Variants in OIT3 observed in about 807,000 individuals in gnomAD.
The protein encoded by OIT3 is oncoprotein induced transcript 3.
OIT3 carries 41 observed loss-of-function variants against 52.2 expected under a neutral mutation model. The ratio of observed to expected loss-of-function variants is 0.79; its 90% CI spans 0.61 to 1.02. OIT3 has a LOEUF of 1.02. Among genes scored for constraint, OIT3 ranks in the 50% least tolerant of loss-of-function variants. The probability of loss-of-function intolerance (pLI) is 0.00; values close to 1 mark genes in which losing one functional copy is unlikely to be tolerated. For missense variants in OIT3, 634 were observed against 715.5 expected (o/e 0.89, Z 1.30); for synonymous variants, 244 against 276.9 (o/e 0.88, Z 1.18).
At chr10:72,909,080 C>T (rs965409406) in intron 4 of OIT3, among the ~76,000 whole-genome samples, 1 of 151,022 alleles carries the variant, frequency 6.6e-6, no homozygotes, top group African/African-American at 2.4e-5. Context: ...CAATCCTCAC[C>T]CTGCTCCCTC....
At chr10:72,907,750 ATCTAT>A (rs1489810172) in intron 4 of OIT3, among the ~76,000 whole-genome samples, 1 of 152,150 alleles carries the variant, frequency 6.6e-6, no homozygotes, top group East Asian at 1.9e-4. Context: ...AAATAAAATA[ATCTAT>A]TTTATTTTAC....
intron 6 of OIT3, among the ~76,000 whole-genome samples, chr10:72,914,277 G>A (rs1846055226): frequency 6.6e-6 from 1 of 152,192 alleles, no homozygotes; most frequent in Non-Finnish European, 1.5e-5. Context: ...TTGTGTGCTA[G>A]GGTGAGCCAT....
intron 3 of OIT3, among the ~76,000 whole-genome samples, chr10:72,904,193 C>T (rs914843258): frequency 1.3e-5 from 2 of 152,136 alleles, no homozygotes; most frequent in Admixed American, 6.5e-5. Context: ...CGATCATGAC[C>T]CTCTCACGCA....
chr10:72,932,174 C>G (rs1303453874), intron 8 of OIT3, among the ~76,000 whole-genome samples, 180 bp from the exon 9 acceptor site: 1 of 152,110 alleles, frequency 6.6e-6, no homozygotes, highest in South Asian at 2.1e-4. Context: ...TACATTTGGG[C>G]AAGTTCCTTA....
chr10:72,927,126 A>G (rs1846176564), intron 7 of OIT3, among the ~76,000 whole-genome samples: 1 of 152,022 alleles, frequency 6.6e-6, no homozygotes. Flanking sequence ...GTGAAGGACC[A>G]TTTTATTTTA....
intron 7 of OIT3, among the ~76,000 whole-genome samples, chr10:72,928,627 A>G (rs1846189055): frequency 6.6e-6 from 1 of 152,154 alleles, no homozygotes; most frequent in Admixed American, 6.6e-5. Flanking sequence ...CATATTATTC[A>G]TCTTTATGTC....
intron 4 of OIT3, among the ~76,000 whole-genome samples, chr10:72,908,454 C>T (rs970930079): frequency 6.6e-6 from 1 of 151,988 alleles, no homozygotes; most frequent in Non-Finnish European, 1.5e-5. Context: ...AAAAATACTA[C>T]CCCAAAAGGA....
intron 5 of OIT3, among the ~76,000 whole-genome samples, chr10:72,912,491 G>A (rs767351307): frequency 9.2e-5 from 14 of 151,856 alleles, no homozygotes; most frequent in Non-Finnish European, 1.6e-4. Flanking sequence ...GGCTGGTCTC[G>A]AACTCCTGAC....
rs750376924 is a variant in OIT3 at position 72,900,407 on chromosome 10, A to G, written c.467A>G (p.His156Arg). The G allele has an allele frequency of 6.8e-6, 11 of 1,610,956 alleles. No individual in the cohort carries two copies. The Admixed American group carries it at 1.2e-4, about 17-fold the overall frequency. The change falls in exon 3 of 9, where the codon CAT becomes CGT. Residue 156 changes from histidine to arginine, a missense_variant. His to Arg is a conservative substitution (Grantham distance 29). Coordinates refer to ENST00000334011, the MANE Select transcript of OIT3 (RefSeq NM_152635.3). The part of the protein sequence containing the change: ...HFYDICDEDC[H>R]GSCSDTSECT... ...TATGACATCTGCGACGAGGACTGCCATGGCAGCTGCTCAGATACCAGCGAG... is the reference window on the plus strand; with the variant it reads ...TATGACATCTGCGACGAGGACTGCCGTGGCAGCTGCTCAGATACCAGCGAG...
At chr10:72,924,176 C>T (rs1846145964) in intron 6 of OIT3, 53 bp from the exon 7 acceptor site, 1 of 1,465,486 alleles carries the variant, frequency 6.8e-7, no homozygotes, top group African/African-American at 1.4e-5. Context: ...GGAAAAAAAA[C>T]TGTAGAAACA....
Position 72,909,311 on chromosome 10 carries a change from G to A in OIT3, c.668-2406G>A, listed in dbSNP as rs1846009466. ...AGTTTTTGTATTTTTATAGAAACAG[G>A]GTTTCACCATGTTGGCCAGGCTGGT... On this transcript the variant is annotated intron_variant, in intron 4 of 8. Coordinates refer to ENST00000334011, the MANE Select transcript of OIT3 (RefSeq NM_152635.3). Among the ~76,000 whole-genome samples, 5 of 151,706 alleles carry A rather than the reference G, an allele frequency of 3.3e-5. No individual in the cohort carries two copies. In the South Asian group the frequency reaches 6.2e-4, roughly 19 times the overall value.
chr10:72,924,111 C>A, intron 6 of OIT3, 118 bp from the exon 7 acceptor site: 1 of 900,558 alleles, frequency 1.1e-6, no homozygotes. Context: ...CATCCTTAGG[C>A]AACCAAATCT....
Position 72,924,243 on chromosome 10 carries a change from G to T in OIT3, c.966G>T (p.Lys322Asn). The change falls in exon 7 of 9, where the codon AAG becomes AAT. Residue 322 changes from lysine (K) to asparagine (N), a missense_variant. Lys to Asn is a moderately conservative substitution (Grantham distance 94, BLOSUM62 0). Transcript: ENST00000334011. Reference protein sequence around the residue: ...CGTVVDVVNDKIVASNLVTGL... With the variant: ...CGTVVDVVNDNIVASNLVTGL... ...GCCTGGCTCAGGTGGTGAATGACAAGATTGTGGCCAGCAACCTCGTGACAG... is the reference window on the plus strand; with the variant it reads ...GCCTGGCTCAGGTGGTGAATGACAATATTGTGGCCAGCAACCTCGTGACAG... 1 of 1,597,204 alleles carries T rather than the reference G, an allele frequency of 6.3e-7. No individual in the cohort carries two copies. Among genetic ancestry groups the T allele is most frequent in the Non-Finnish European group, 8.6e-7 (1 of 1,168,358 alleles).
intron 2 of OIT3, 40 bp downstream of exon 2, chr10:72,899,078 G>C: frequency 6.4e-7 from 1 of 1,551,254 alleles, no homozygotes; most frequent in South Asian, 1.2e-5. Flanking sequence ...CACCAACAAG[G>C]CCACAGGTGG....
At chr10:72,921,154 A>C (rs570307072) in intron 6 of OIT3, among the ~76,000 whole-genome samples, 5 of 152,308 alleles carry the variant, frequency 3.3e-5, no homozygotes, top group African/African-American at 1.2e-4. Context: ...TGTTGAATTG[A>C]ACCCTTTATC....
intron 3 of OIT3, among the ~76,000 whole-genome samples, chr10:72,905,547 A>G: frequency 6.6e-6 from 1 of 152,186 alleles, no homozygotes; most frequent in East Asian, 1.9e-4. Flanking sequence ...GAAGTTTTAC[A>G]CAGAGCACTT....
At chr10:72,932,026 G>A (rs186049867) in intron 8 of OIT3, among the ~76,000 whole-genome samples, 1 of 152,228 alleles carries the variant, frequency 6.6e-6, no homozygotes, top group Non-Finnish European at 1.5e-5. Context: ...GTGTGAAGAA[G>A]GAAGATGCTC....
Position 72,899,050 on chromosome 10 carries a change from C to G in OIT3, c.436+12C>G. 3 of 1,579,978 alleles carry G rather than the reference C, an allele frequency of 1.9e-6. No homozygotes were observed. Among genetic ancestry groups the G allele is most frequent in the Non-Finnish European group, 2.6e-6 (3 of 1,159,760 alleles). On this transcript the variant is annotated intron_variant, in intron 2 of 8. Coordinates refer to ENST00000334011, the MANE Select transcript of OIT3 (RefSeq NM_152635.3). ...CGTCTACTGTGGTCGTGAGTACCTT[C>G]CCTGTGCTCTTTTTCTCCACCAACA...
At chr10:72,922,877 T>C (rs1338534739) in intron 6 of OIT3, among the ~76,000 whole-genome samples, 1 of 152,104 alleles carries the variant, frequency 6.6e-6, no homozygotes, top group East Asian at 1.9e-4. Flanking sequence ...GGGGTTTTTT[T>C]CTCCCACTTT....
Sources: gnomAD v4.1 joint callset for allele counts (sites outside exome capture counted in the v4.1 genomes callset) on GRCh38, gnomAD v4.1.1 for gene constraint, MANE v1.5 for transcripts, NCBI Gene and HGNC (gene_info 2026-07-23, HGNC 2026-07-21) for gene names.